The following SRA1 variants were observed in gnomAD, a reference collection of about 807,000 sequenced individuals.
SRA1 encodes the protein steroid receptor RNA activator 1, also known as lncRNA SRA.
Under a neutral mutation model 24.3 loss-of-function variants are expected in SRA1, and 25 were observed. The ratio of observed to expected loss-of-function variants is 1.03; its 90% CI spans 0.75 to 1.43. The LOEUF is 1.43. SRA1 is among the 40% of genes most tolerant of loss of function. The probability of loss-of-function intolerance (pLI) is 0.00; values close to 1 mark genes in which losing one functional copy is unlikely to be tolerated. For missense variants in SRA1, 303 were observed against 286.6 expected (o/e 1.06, Z -0.41); for synonymous variants, 104 against 109.5 (o/e 0.95, Z 0.31).
intron 2 of SRA1, 119 bp downstream of exon 2, chr5:140,557,028 C>G: frequency 1.0e-6 from 1 of 953,640 alleles, no homozygotes; most frequent in Non-Finnish European, 1.6e-6. Flanking sequence ...ACTGGAGCCC[C>G]AAAACTTCTC....
At chr5:140,553,307 T>TAA (rs551082593) in intron 2 of SRA1, among the ~76,000 whole-genome samples, 5 of 128,012 alleles carry the variant, frequency 3.9e-5, no homozygotes, top group African/African-American at 5.8e-5. Context: ...AAGACCCTCT[T>TAA]AAAAAAAAAA....
In SRA1 at chr5:140,557,126, G is replaced by C. The variant is rs540486170; in HGVS notation, c.151+21C>G. 9 of 1,500,428 alleles carry C rather than the reference G, an allele frequency of 6.0e-6. No individual in the cohort carries two copies. The South Asian group carries it at 7.2e-5, about 12-fold the overall frequency. 92.9% of individuals were successfully genotyped at this position (1,500,428 alleles called of 1,614,324 possible). A position where few individuals can be genotyped will look rare whatever the true frequency, so the allele number is the denominator to read the frequency against. ...CCCCCCCCATTCTCCGTCTGTCTCC[G>C]AGCACAGGGGCCCCACGCACCTCTG... On this transcript the variant is annotated intron_variant, in intron 2 of 4. Coordinates refer to ENST00000336283, the MANE Select transcript of SRA1 (RefSeq NM_001035235.4).
At position 140,557,267 on chromosome 5, in the gene SRA1, TGTTGCCTGCGGAGGC is replaced by T; in HGVS notation, c.26-10_30del. The T allele has an allele frequency of 1.2e-6, 2 of 1,611,634 alleles. No homozygotes were observed. Among genetic ancestry groups the T allele is most frequent in the Non-Finnish European group, 1.7e-6 (2 of 1,179,952 alleles). On this transcript the variant is annotated splice_acceptor_variant and splice_polypyrimidine_tract_variant and coding_sequence_variant and intron_variant, in exon 2 of 5. Transcript: ENST00000336283. LOFTEE classifies it high-confidence loss of function. ...GGCGGGTCGTTCCAGCCGCGTTCCT[TGTTGCCTGCGGAGGC>T]GAGGGATGTGTGAAGCGAGCCCGGA...
At chr5:140,557,108 C>CCCA in intron 2 of SRA1, 39 bp downstream of exon 2, 2 of 1,034,672 alleles carry the variant, frequency 1.9e-6, no homozygotes, top group Non-Finnish European at 2.8e-6. Flanking sequence ...CCCCCCCCCC[C>CCCA]ATTCTCCGTC....
chr5:140,557,061 A>C, intron 2 of SRA1, 86 bp downstream of exon 2: 1 of 1,280,738 alleles, frequency 7.8e-7, no homozygotes, highest in Non-Finnish European at 1.1e-6. Flanking sequence ...CCTCGGGGAG[A>C]GAAAAAAGCC....
intron 2 of SRA1, among the ~76,000 whole-genome samples, chr5:140,556,139 G>A (rs755042723): frequency 6.6e-6 from 1 of 152,214 alleles, no homozygotes; most frequent in Non-Finnish European, 1.5e-5. Context: ...ATAAGACACA[G>A]GAAAGTCCCT....
chr5:140,553,978 C>G (rs564198774), intron 2 of SRA1, among the ~76,000 whole-genome samples: 9 of 152,162 alleles, frequency 5.9e-5, no homozygotes, highest in Non-Finnish European at 1.5e-5. Context: ...GTACCAACAT[C>G]CACAAGGATG....
chr5:140,550,758 T>C lies in SRA1; in HGVS notation c.617A>G (p.Lys206Arg). ...LFSEEAANEE[K>R]SAATAEKNHT... is the part of the protein sequence containing the mutation. ...GTTCTTCTCAGCTGTGGCTGCAGATTTCTCTTCATTGGCTGCCTCCTCTGA... is the reference window on the plus strand; with the variant it reads ...GTTCTTCTCAGCTGTGGCTGCAGATCTCTCTTCATTGGCTGCCTCCTCTGA... Residue 206 changes from lysine (K) to arginine (R), a missense_variant, in exon 5 of 5, where the codon AAA becomes AGA. By Grantham distance (26) the Lys-to-Arg change is conservative. Transcript: ENST00000336283. 6.2e-7 allele frequency: 1 copy of C among 1,614,154 alleles called. No individual in the cohort carries two copies. Among genetic ancestry groups the C allele is most frequent in the South Asian group, 1.1e-5 (1 of 91,078 alleles).
In SRA1 at chr5:140,551,166, G is replaced by C; in HGVS notation, c.358C>G (p.Gln120Glu). 6.2e-7 allele frequency: 1 copy of C among 1,613,724 alleles called. No homozygotes were observed. Among genetic ancestry groups the C allele is most frequent in the South Asian group, 1.1e-5 (1 of 91,076 alleles). Residue 120 changes from glutamine to glutamate, a missense_variant, in exon 4 of 5, where the codon CAG becomes GAG. Physicochemically the swap from Gln to Glu is conservative, Grantham distance 29. Coordinates refer to ENST00000336283, the MANE Select transcript of SRA1 (RefSeq NM_001035235.4). ...LEDCRGHTRK[Q>E]VCDDISRRLA... Reference sequence around the variant, plus strand: ...CGTCGGCTGATGTCATCACATACCTGCTTCTAAGAGACAGAAGCCCCCCTC... The same window carrying C: ...CGTCGGCTGATGTCATCACATACCTCCTTCTAAGAGACAGAAGCCCCCCTC...
chr5:140,551,309 G>GC (rs925243504), intron 3 of SRA1, 140 bp from the exon 4 acceptor site: 5 of 617,764 alleles, frequency 8.1e-6, no homozygotes, highest in Non-Finnish European at 8.4e-6. Context: ...AAGATTAGAG[G>GC]CCCCACTGAG....
At chr5:140,557,670 C>T (rs901711515), upstream of SRA1, 53 of 607,856 alleles carry the variant, frequency 8.7e-5, 1 homozygote, top group South Asian at 9.1e-4. Flanking sequence ...TCACAAGGCA[C>T]CAAAGGAGGT....
intron 2 of SRA1, among the ~76,000 whole-genome samples, chr5:140,552,909 C>T (rs1186247897): frequency 6.6e-6 from 1 of 152,124 alleles, no homozygotes; most frequent in Non-Finnish European, 1.5e-5. Flanking sequence ...CCTCAGAGAG[C>T]TTAATTCTAG....
chr5:140,557,362 G>T, intron 1 of SRA1, 66 bp downstream of exon 1: 1 of 1,602,696 alleles, frequency 6.2e-7, no homozygotes. Flanking sequence ...CATACTAAGC[G>T]CCGCAACCGC....
rs774788118 is a variant in SRA1 at position 140,552,009 on chromosome 5, T to A, written c.327A>T (p.Ala109=). The part of the protein sequence containing the change: ...MEDVLRPLEQ[A]LEDCRGHTRK... ...TTGTGTGGCCACGGCAGTCTTCCAA[T>A]GCCTGTTCCAAAGGTCTCAGCACAT... is the stretch of plus-strand genomic sequence containing the variant. The change falls in exon 3 of 5, where the codon GCA becomes GCT. Residue 109 remains alanine, a synonymous_variant. Coordinates refer to ENST00000336283, the MANE Select transcript of SRA1 (RefSeq NM_001035235.4). 1 of 1,613,190 alleles carries A rather than the reference T, an allele frequency of 6.2e-7. No homozygotes were observed. The highest frequency in any genetic ancestry group is 8.5e-7 in the Non-Finnish European group (1 of 1,179,730).
rs542845030 is a variant in SRA1 at position 140,552,153 on chromosome 5, G to C, written c.183C>G (p.Pro61=). ...VPASETSPGP[P]PMGPPPPSSK... ...TTGAAGGAGGTGGAGGCCCCATTGG[G>C]GGAGGCCCAGGAGAAGTCTCTGATG... Residue 61 remains proline (P), a synonymous_variant, in exon 3 of 5, where the codon CCC becomes CCG. Transcript: ENST00000336283. The C allele has an allele frequency of 7.3e-5, 118 of 1,607,546 alleles. 1 individual carries two copies. In the South Asian group the frequency reaches 1.3e-3, roughly 17 times the overall value.
At chr5:140,552,535 C>G (rs1754595128) in intron 2 of SRA1, among the ~76,000 whole-genome samples, 1 of 152,026 alleles carries the variant, frequency 6.6e-6, no homozygotes, top group South Asian at 2.1e-4. Context: ...TGCCTGTAAT[C>G]CCAGCTACTC....
rs1313668405 is a variant in SRA1 at position 140,557,437 on chromosome 5, C to G, written c.16G>C (p.Val6Leu). ...CGCCGGCTGCGCTCACCCGGCTTCA[C>G]GTACAGCTCCGCCATCTCCACTTCC... MAELY[V>L]KPGNKERGWN... is the part of the protein sequence containing the mutation. Residue 6 changes from valine (V) to leucine (L), a missense_variant, in exon 1 of 5, where the codon GTG (valine) becomes CTG (leucine). Transcript: ENST00000336283. The G allele has an allele frequency of 1.3e-6, 2 of 1,565,618 alleles. No homozygotes were observed. Among genetic ancestry groups the G allele is most frequent in the Non-Finnish European group, 1.7e-6 (2 of 1,156,778 alleles).
intron 2 of SRA1, among the ~76,000 whole-genome samples, chr5:140,553,080 G>A (rs1423242549): frequency 6.6e-6 from 1 of 152,240 alleles, no homozygotes; most frequent in African/African-American, 2.4e-5. Context: ...CTTGCTATGT[G>A]ACTTTCAGCA....
At chr5:140,553,595 GA>G (rs1754619758) in intron 2 of SRA1, among the ~76,000 whole-genome samples, 1 of 152,208 alleles carries the variant, frequency 6.6e-6, no homozygotes, top group African/African-American at 2.4e-5. Flanking sequence ...TGGGGCTTTG[GA>G]AGAGTTTGAT....
Sources: gnomAD v4.1 joint callset for allele counts (sites outside exome capture counted in the v4.1 genomes callset) on GRCh38, gnomAD v4.1.1 for gene constraint, MANE v1.5 for transcripts, NCBI Gene and HGNC (gene_info 2026-07-23, HGNC 2026-07-21) for gene names.